CARM1: variants seen among roughly 807,000 people sequenced by gnomAD.
CARM1 encodes histone-arginine methyltransferase CARM1.
A neutral mutation model predicts 72.7 loss-of-function variants in CARM1; 14 were observed. The observed-to-expected ratio is 0.19, with a 90% CI of 0.13 to 0.30. The LOEUF (loss-of-function observed/expected upper bound fraction) is 0.30, where lower values mean the gene tolerates loss of function less well. Among genes scored for constraint, CARM1 ranks in the 10% least tolerant of loss-of-function variants. CARM1 has a pLI of 1.00. For synonymous variants in CARM1, 333 were observed against 345.5 expected, an observed-to-expected ratio of 0.96 and a Z score of 0.40; for missense variants, 432 against 833.7, an observed-to-expected ratio of 0.52 and a Z score of 5.93.
At position 10,907,754 on chromosome 19, in the gene CARM1, C is replaced by T. The variant is rs542935923; in HGVS notation, c.347-285C>T. ...TGGGCGTGTGCTTGAGAGAGCTTCA[C>T]CAAGCTGCCCTTTGGTGAGGAATCC... is the stretch of plus-strand genomic sequence containing the variant. On this transcript the variant is annotated intron_variant, in intron 2 of 15. Transcript: ENST00000327064. Among the ~76,000 whole-genome samples the T allele has an allele frequency of 2.5e-4, 38 of 152,342 alleles. No individual in the cohort carries two copies. The South Asian group carries it at 7.3e-3, about 29-fold the overall frequency.
At chr19:10,878,053 GCTGGCCCCAAACCC>G (rs746113383) in intron 1 of CARM1, among the ~76,000 whole-genome samples, 22 of 152,202 alleles carry the variant, frequency 1.4e-4, no homozygotes, top group African/African-American at 4.6e-4. Flanking sequence ...TGTTTCCCAG[GCTGGCCCCAAACCC>G]CTGGCCTCAA....
Position 10,915,252 on chromosome 19 carries a change from C to A in CARM1, c.848-1155C>A, listed in dbSNP as rs970984357. Among the ~76,000 whole-genome samples, 3 of 152,252 alleles carry A rather than the reference C, an allele frequency of 2.0e-5. No homozygotes were observed. Among genetic ancestry groups the A allele is most frequent in the Admixed American group, 1.3e-4 (2 of 15,292 alleles). ...CAGGGGCTGTGGGCCCCACTCTCCT[C>A]CCCTTCTGCCCTGATGGTGGGGATG... On this transcript the variant is annotated intron_variant, in intron 6 of 15. Coordinates refer to ENST00000327064, the MANE Select transcript of CARM1 (RefSeq NM_199141.2). The surrounding 1 kb of genome is among the most constrained non-coding windows in gnomAD (Gnocchi z 4.6).
intron 1 of CARM1, among the ~76,000 whole-genome samples, chr19:10,875,665 C>T (rs1010165194): frequency 6.6e-6 from 1 of 152,060 alleles, no homozygotes; most frequent in Non-Finnish European, 1.5e-5. Flanking sequence ...ACCTCGTGAT[C>T]TGCCCACCTT....
At position 10,912,131 on chromosome 19, in the gene CARM1, C is replaced by A. The variant is rs1308278362; in HGVS notation, c.559-53C>A. ...ACATCCCTTATGATCACTGTCACCT[C>A]CCCATCACCGTCGCCTCCTATGTCT... On this transcript the variant is annotated intron_variant, in intron 4 of 15. Coordinates refer to ENST00000327064, the MANE Select transcript of CARM1 (RefSeq NM_199141.2). The surrounding 1 kb of genome is among the most constrained non-coding windows in gnomAD (Gnocchi z 4.5). 1 of 1,257,850 alleles carries A rather than the reference C, an allele frequency of 8.0e-7. No homozygotes were observed. Among genetic ancestry groups the A allele is most frequent in the Non-Finnish European group, 1.2e-6 (1 of 854,580 alleles). The allele number at this position is 1,257,850 out of a possible 1,614,324, so 77.9% of individuals were successfully genotyped here.
In CARM1 at chr19:10,921,848, A is replaced by G; in HGVS notation, c.*91A>G. ...GGCGGCTTTCCCCCTTGTACTGGAG[A>G]AGCTCGAACACCCGGTCACAGCTCT... On this transcript the variant is annotated 3_prime_UTR_variant, in exon 16 of 16. Transcript: ENST00000327064. 4.8e-6 allele frequency: 6 copies of G among 1,249,866 alleles called. No homozygotes were observed. Among genetic ancestry groups the G allele is most frequent in the Non-Finnish European group, 6.7e-6 (6 of 901,236 alleles). The allele number at this position is 1,249,866 out of a possible 1,614,324, so 77.4% of individuals were successfully genotyped here. A position where few individuals can be genotyped will look rare whatever the true frequency, so the allele number is the denominator to read the frequency against.
chr19:10,921,340 T>G, intron 14 of CARM1, 35 bp from the exon 15 acceptor site: 1 of 1,608,428 alleles, frequency 6.2e-7, no homozygotes, highest in Non-Finnish European at 8.5e-7. Flanking sequence ...GGTGACGCCG[T>G]CTCCCTTCCT....
At chr19:10,921,019 C>T in intron 13 of CARM1, 31 bp from the exon 14 acceptor site, 1 of 1,613,496 alleles carries the variant, frequency 6.2e-7, no homozygotes, top group Non-Finnish European at 8.5e-7. Flanking sequence ...CCCTCTGCCT[C>T]CAGCCCTGAC....
chr19:10,898,791 A>G (rs1178622909), intron 1 of CARM1, among the ~76,000 whole-genome samples: 1 of 152,188 alleles, frequency 6.6e-6, no homozygotes, highest in Non-Finnish European at 1.5e-5. Context: ...CTGCCTACTC[A>G]GAGGTGACCC....
chr19:10,885,200 C>T (rs2073932451), intron 1 of CARM1, among the ~76,000 whole-genome samples: 1 of 152,204 alleles, frequency 6.6e-6, no homozygotes, highest in South Asian at 2.1e-4. Context: ...CATTTGTCCC[C>T]TGCTGCCAGG....
At chr19:10,904,893 T>C in intron 1 of CARM1, 58 bp from the exon 2 acceptor site, 1 of 1,589,636 alleles carries the variant, frequency 6.3e-7, no homozygotes. Flanking sequence ...GGACCCAGGC[T>C]CAAAAGAAGG....
chr19:10,919,056 TC>T lies in CARM1; in HGVS notation c.1021-538del, dbSNP rs533129745. ...TGTTTCCCAGGCTTGATTCACACTC[TC>T]GGGCTTAAGCGATCCTCCTGCCTCA... On this transcript the variant is annotated intron_variant, in intron 8 of 15. Coordinates refer to ENST00000327064, the MANE Select transcript of CARM1 (RefSeq NM_199141.2). 1.6e-3 allele frequency: 250 copies of T among 153,288 alleles called. 1 individual carries two copies. The highest frequency in any genetic ancestry group is 3.2e-3 in the Admixed American group (49 of 15,508). The allele number at this position is 153,288 out of a possible 1,614,324, so 9.5% of individuals were successfully genotyped here. A position where few individuals can be genotyped will look rare whatever the true frequency, so the allele number is the denominator to read the frequency against.
At chr19:10,886,378 A>G (rs568006552) in intron 1 of CARM1, among the ~76,000 whole-genome samples, 7 of 151,828 alleles carry the variant, frequency 4.6e-5, no homozygotes, top group Non-Finnish European at 7.4e-5. Flanking sequence ...TATTTCTTGT[A>G]GAGACGGGGT....
chr19:10,908,814 A>G, intron 3 of CARM1: 2 of 313,610 alleles, frequency 6.4e-6, no homozygotes, highest in Non-Finnish European at 1.2e-5. Flanking sequence ...CCCCGATGCC[A>G]GAACCCTGCC....
At chr19:10,907,995 TG>T in intron 2 of CARM1, 43 bp from the exon 3 acceptor site, 1 of 1,258,974 alleles carries the variant, frequency 7.9e-7, no homozygotes, top group Non-Finnish European at 1.2e-6. Flanking sequence ...GGCCACATGC[TG>T]GGTTGCTGAC....
intron 1 of CARM1, among the ~76,000 whole-genome samples, chr19:10,881,949 C>A (rs1447962362): frequency 2.0e-5 from 3 of 151,874 alleles, no homozygotes; most frequent in Admixed American, 2.0e-4. Context: ...AATCAGCAAT[C>A]ACTTAAAACA....
chr19:10,893,527 A>T (rs1406830639), intron 1 of CARM1, among the ~76,000 whole-genome samples: 1 of 151,692 alleles, frequency 6.6e-6, no homozygotes, highest in East Asian at 1.9e-4. Context: ...TTTAGTAGAG[A>T]TAGGTTTTCA....
At chr19:10,911,874 C>A (rs751538898) in intron 4 of CARM1, among the ~76,000 whole-genome samples, 27 of 152,212 alleles carry the variant, frequency 1.8e-4, no homozygotes, top group Non-Finnish European at 3.1e-4. Flanking sequence ...ACTGCGGAGG[C>A]CCCGGAAAAA....
At chr19:10,899,463 C>T (rs1306554676) in intron 1 of CARM1, among the ~76,000 whole-genome samples, 1 of 152,220 alleles carries the variant, frequency 6.6e-6, no homozygotes, top group Non-Finnish European at 1.5e-5. Context: ...GACCCACCCA[C>T]AGCTGGGAGC....
intron 14 of CARM1, 24 bp downstream of exon 14, chr19:10,921,151 G>A (rs1408438344): frequency 1.9e-6 from 3 of 1,605,964 alleles, no homozygotes; most frequent in Admixed American, 3.3e-5. Context: ...AGGGCCAGGG[G>A]CAGCAGGGAG....
Sources: allele counts gnomAD v4.1 joint callset (sites outside exome capture counted in the v4.1 genomes callset), GRCh38; gene constraint gnomAD v4.1.1; non-coding constraint Gnocchi (gnomAD v3.1); transcripts MANE v1.5; gene names NCBI Gene and HGNC (gene_info 2026-07-23, HGNC 2026-07-21).